Variants in STRA8 observed in about 807,000 individuals in gnomAD.
The protein encoded by STRA8 is stimulated by retinoic acid gene 8 protein homolog.
STRA8 carries 18 observed loss-of-function variants against 37.1 expected under a neutral mutation model. The observed-to-expected ratio is 0.48, with a 90% CI of 0.34 to 0.72. The LOEUF (loss-of-function observed/expected upper bound fraction) is 0.72, where lower values mean the gene tolerates loss of function less well. Ranked by LOEUF, STRA8 falls within the 30% of genes least tolerant of loss-of-function variation. The probability of loss-of-function intolerance (pLI) is 0.01; values close to 1 mark genes in which losing one functional copy is unlikely to be tolerated. For synonymous variants in STRA8, 168 were observed against 162.9 expected (o/e 1.03, Z -0.24); for missense variants, 357 against 410.4 (o/e 0.87, Z 1.13).
rs1407230871 is a variant in STRA8, at chr7:135,246,586, G to A, written c.763G>A (p.Gly255Ser). 2 of 1,542,924 alleles carry A rather than the reference G, an allele frequency of 1.3e-6. No individual in the cohort carries two copies. The highest frequency in any genetic ancestry group is 2.0e-5 in the Admixed American group (1 of 51,014). The change falls in exon 6 of 9, where the codon GGC becomes AGC. Residue 255 changes from glycine (G) to serine (S), a missense_variant. Gly to Ser is a moderately conservative substitution (Grantham distance 56). Transcript: ENST00000662584. This position sits in a 1 kb window ranked among gnomAD's most constrained non-coding sequence, Gnocchi z 5.4. ...LRQAWAQKHR[G>S]PATLAEACRE... Reference sequence around the variant, plus strand: ...GCAGGCCTGGGCGCAGAAGCACCGCGGCCCTGCGACCCTGGCGGAGGCCTG... The same window carrying A: ...GCAGGCCTGGGCGCAGAAGCACCGCAGCCCTGCGACCCTGGCGGAGGCCTG...
chr7:135,234,398 G>A (rs902358630), intron 1 of STRA8, among the ~76,000 whole-genome samples: 2 of 152,152 alleles, frequency 1.3e-5, no homozygotes, highest in Non-Finnish European at 2.9e-5. Context: ...AGGAGCCACG[G>A]CACCCAGCCA....
intron 6 of STRA8, among the ~76,000 whole-genome samples, chr7:135,249,851 T>G (rs2117815332): frequency 6.6e-6 from 1 of 152,084 alleles, no homozygotes; most frequent in African/African-American, 2.4e-5. Flanking sequence ...CTTTTCTGGG[T>G]TTTTCAGGGA....
chr7:135,244,925 G>A (rs953861783), intron 4 of STRA8, among the ~76,000 whole-genome samples: 1 of 152,170 alleles, frequency 6.6e-6, no homozygotes, highest in Non-Finnish European at 1.5e-5. Context: ...TTGCCATTAA[G>A]CACGATGTTA....
rs116274367 is a variant in STRA8 at position 135,253,408 on chromosome 7, G to A, written c.953+1539G>A. ...CGGTCTCTAGCACCCAGGGCAGCTT[G>A]CGGGCAGGTTCTCCCAGCTGACCTG... On this transcript the variant is annotated intron_variant, in intron 7 of 8. Transcript: ENST00000662584. Among the ~76,000 whole-genome samples, 627 of 152,270 alleles carry A rather than the reference G, an allele frequency of 4.1e-3. 3 individuals carry two copies. Among genetic ancestry groups the A allele is most frequent in the African/African-American group, 0.014 (600 of 41,568 alleles).
chr7:135,238,342 C>T (rs1297340586), intron 1 of STRA8, among the ~76,000 whole-genome samples: 3 of 152,166 alleles, frequency 2.0e-5, no homozygotes, highest in Admixed American at 6.5e-5. Context: ...CCTGGCGGCT[C>T]CTAGAGGCGA....
At position 135,246,598 on chromosome 7, in the gene STRA8, C is replaced by A. The variant is rs1269710998; in HGVS notation, c.775C>A (p.Leu259Met). The change falls in exon 6 of 9, where the codon CTG (leucine) becomes ATG (methionine). Residue 259 changes from leucine to methionine, a missense_variant. Transcript: ENST00000662584. The surrounding 1 kb of genome is among the most constrained non-coding windows in gnomAD (Gnocchi z 5.4). ...GCAGAAGCACCGCGGCCCTGCGACC[C>A]TGGCGGAGGCCTGCCGAGAGCCGGC... ...WAQKHRGPAT[L>M]AEACREPACA... The A allele has an allele frequency of 6.5e-6, 10 of 1,538,708 alleles. No homozygotes were observed.
In STRA8 at chr7:135,233,887, G is replaced by A. The variant is rs1020794017; in HGVS notation, c.-23G>A. Among the ~76,000 whole-genome samples the A allele has an allele frequency of 6.6e-6, 1 of 152,136 alleles. No homozygotes were observed. The highest frequency in any genetic ancestry group is 1.5e-5 in the Non-Finnish European group (1 of 68,034). ...CTGCTGTCCCGGGAGTGGGGACGTCGCGTGCACCGTTGGCGAGTAAGTATC... is the reference window on the plus strand; with the variant it reads ...CTGCTGTCCCGGGAGTGGGGACGTCACGTGCACCGTTGGCGAGTAAGTATC... On this transcript the variant is annotated 5_prime_UTR_variant, in exon 1 of 9. Coordinates refer to ENST00000662584, the MANE Select transcript of STRA8 (RefSeq NM_001394401.1).
chr7:135,252,109 C>G (rs1832646334), intron 7 of STRA8, among the ~76,000 whole-genome samples: 1 of 150,988 alleles, frequency 6.6e-6, no homozygotes, highest in African/African-American at 2.4e-5. Context: ...TTGTATTAGT[C>G]CATTCTCACA....
At chr7:135,256,175 G>C (rs1191981221) in intron 8 of STRA8, among the ~76,000 whole-genome samples, 1 of 152,190 alleles carries the variant, frequency 6.6e-6, no homozygotes, top group Non-Finnish European at 1.5e-5. Context: ...TAAAAGGTAA[G>C]TTATAATAAT....
chr7:135,254,324 A>G (rs1047817994), intron 7 of STRA8, among the ~76,000 whole-genome samples: 1 of 152,172 alleles, frequency 6.6e-6, no homozygotes, highest in Non-Finnish European at 1.5e-5. Context: ...TTGCTGCCAG[A>G]GGGTTCCTCA....
At chr7:135,257,080 C>T (rs1256587712) in intron 8 of STRA8, among the ~76,000 whole-genome samples, 1 of 152,234 alleles carries the variant, frequency 6.6e-6, no homozygotes, top group East Asian at 1.9e-4. Flanking sequence ...CTCTTGATCC[C>T]TATTTCCCTG....
rs896908602 is a variant in STRA8, at chr7:135,237,651, T to C, written c.-6-2868T>C. Reference sequence around the variant, plus strand: ...GCTCACACCTGTAAACCTTGCACTTTGGGAGGCCGAGGCAGGCGGATCAGG... The same window carrying C: ...GCTCACACCTGTAAACCTTGCACTTCGGGAGGCCGAGGCAGGCGGATCAGG... On this transcript the variant is annotated intron_variant, in intron 1 of 8. Coordinates refer to ENST00000662584, the MANE Select transcript of STRA8 (RefSeq NM_001394401.1). Among the ~76,000 whole-genome samples, 21 of 152,262 alleles carry C rather than the reference T, an allele frequency of 1.4e-4. No homozygotes were observed. In the East Asian group the frequency reaches 3.9e-3, roughly 28 times the overall value.
At chr7:135,242,456 G>A (rs577010817) in intron 2 of STRA8, among the ~76,000 whole-genome samples, 12 of 152,296 alleles carry the variant, frequency 7.9e-5, no homozygotes, top group East Asian at 1.9e-4. Flanking sequence ...TGCAGAATGC[G>A]CCTCTTCCAT....
rs549802835 is a variant in STRA8, at chr7:135,255,245, C to T, written c.1065+20C>T. 9.5e-6 allele frequency: 15 copies of T among 1,581,104 alleles called. No homozygotes were observed. Among genetic ancestry groups the T allele is most frequent in the South Asian group, 7.8e-5 (7 of 90,298 alleles). ...AAGCAGGTAGGATGGAGTAGAGGGC[C>T]GTGGTACCTCTGCCCACCTTGCTTA... On this transcript the variant is annotated intron_variant, in intron 8 of 8. Transcript: ENST00000662584.
chr7:135,245,357 T>G lies in STRA8; in HGVS notation c.423T>G (p.Asp141Glu). The G allele has an allele frequency of 1.3e-6, 1 of 779,478 alleles. No individual in the cohort carries two copies. The highest frequency in any genetic ancestry group is 2.4e-6 in the Non-Finnish European group (1 of 417,682). The allele number at this position is 779,478 out of a possible 1,614,324, so 48.3% of individuals were successfully genotyped here. Reference protein sequence around the residue: ...PWCPTEAVRKDAEEEEDEEEE... With the variant: ...PWCPTEAVRKEAEEEEDEEEE... ...GCCCAACTGAGGCAGTCAGGAAGGA[T>G]GCTGAGGAGGAGGAAGATGAGGAAG... is the stretch of plus-strand genomic sequence containing the variant. Residue 141 changes from aspartate (D) to glutamate (E), a missense_variant, in exon 5 of 9, where the codon GAT (aspartate) becomes GAG (glutamate). Physicochemically the swap from Asp to Glu is conservative, Grantham distance 45 (BLOSUM62 2). Transcript: ENST00000662584.
upstream of STRA8, among the ~76,000 whole-genome samples, chr7:135,232,382 T>C (rs1455615372): frequency 6.6e-6 from 1 of 151,670 alleles, no homozygotes; most frequent in African/African-American, 2.4e-5. Context: ...CGACCCTAGG[T>C]CAAGGGCTGC....
chr7:135,251,311 C>G (rs1832630621), intron 6 of STRA8, among the ~76,000 whole-genome samples: 2 of 152,170 alleles, frequency 1.3e-5, no homozygotes, highest in South Asian at 4.1e-4. Flanking sequence ...GGTCACACAG[C>G]TAGCAAGGGA....
intron 8 of STRA8, among the ~76,000 whole-genome samples, chr7:135,256,745 C>G (rs529946036): frequency 1.7e-4 from 26 of 152,314 alleles, no homozygotes; most frequent in South Asian, 8.3e-4. Flanking sequence ...GCAGAGGTTA[C>G]AGTGAGCTGA....
At chr7:135,239,816 G>A (rs1018247826) in intron 1 of STRA8, among the ~76,000 whole-genome samples, 45 of 151,960 alleles carry the variant, frequency 3.0e-4, no homozygotes, top group African/African-American at 1.1e-3. Flanking sequence ...AGGCAAAATG[G>A]GTTTCAGTTC....
Sources: allele counts gnomAD v4.1 joint callset (sites outside exome capture counted in the v4.1 genomes callset), GRCh38; gene constraint gnomAD v4.1.1; non-coding constraint Gnocchi (gnomAD v3.1); transcripts MANE v1.5; gene names NCBI Gene and HGNC (gene_info 2026-07-23, HGNC 2026-07-21).